PADI3: variants seen among roughly 807,000 people sequenced by gnomAD.
PADI3 encodes the protein peptidyl arginine deiminase 3.
In PADI3, 53 loss-of-function variants were observed where a neutral mutation model predicts 71.5. The ratio of observed to expected loss-of-function variants is 0.74; its 90% CI spans 0.59 to 0.93. The LOEUF (loss-of-function observed/expected upper bound fraction) is 0.93. Ranked by LOEUF, PADI3 falls within the 40% of genes least tolerant of loss-of-function variation. PADI3 has a pLI of 0.00. For synonymous variants in PADI3, 361 were observed against 347.5 expected, an observed-to-expected ratio of 1.04 and a Z score of -0.43; for missense variants, 821 against 868.0, an observed-to-expected ratio of 0.95 and a Z score of 0.68.
At chr1:17,271,242 G>GATAC in intron 9 of PADI3, 64 bp downstream of exon 9, 3 of 1,378,496 alleles carry the variant, frequency 2.2e-6, no homozygotes, top group Admixed American at 4.1e-5. Flanking sequence ...GCCTTCATTT[G>GATAC]GGGGCCACCG....
At chr1:17,277,279 C>T (rs148085870) in intron 13 of PADI3, among the ~76,000 whole-genome samples, 2,613 of 152,222 alleles carry the variant, frequency 0.017, 30 homozygotes, top group Non-Finnish European at 0.024. Context: ...ACCGCAACCT[C>T]CGCCTCCCAA....
intron 11 of PADI3, 80 bp downstream of exon 11, chr1:17,274,866 T>C: frequency 7.2e-7 from 1 of 1,392,218 alleles, no homozygotes; most frequent in South Asian, 1.3e-5. Flanking sequence ...GCAGGGGCCA[T>C]TGCACTCCTT....
At chr1:17,281,450 C>CTTTTT (rs71014927) in intron 15 of PADI3, among the ~76,000 whole-genome samples, 1 of 141,994 alleles carries the variant, frequency 7.0e-6, no homozygotes, top group African/African-American at 2.6e-5. Flanking sequence ...TTCTTTTTTT[C>CTTTTT]TTTTTTTTTT....
intron 9 of PADI3, 74 bp downstream of exon 9, chr1:17,271,252 G>A (rs528557680): frequency 1.2e-5 from 15 of 1,280,618 alleles, no homozygotes; most frequent in Middle Eastern, 2.7e-4. Flanking sequence ...GGGGGCCACC[G>A]AGAAACATCC....
At chr1:17,260,654 C>A (rs974176469) in intron 2 of PADI3, among the ~76,000 whole-genome samples, 3 of 152,210 alleles carry the variant, frequency 2.0e-5, no homozygotes, top group African/African-American at 7.2e-5. Context: ...CCATCACCCC[C>A]ACCTCTGTTC....
chr1:17,267,820 T>A lies in PADI3; in HGVS notation c.527-17T>A, dbSNP rs1376315136. Reference sequence around the variant, plus strand: ...CAGGACTCCCTTGAGTCACTACCACTCTGTCTGGCTTCACAGACCTGGAAG... The same window carrying A: ...CAGGACTCCCTTGAGTCACTACCACACTGTCTGGCTTCACAGACCTGGAAG... On this transcript the variant is annotated splice_polypyrimidine_tract_variant and intron_variant, in intron 5 of 15. Transcript: ENST00000375460. 6.2e-7 allele frequency: 1 copy of A among 1,612,576 alleles called. No individual in the cohort carries two copies. The highest frequency in any genetic ancestry group is 1.3e-5 in the African/African-American group (1 of 74,940).
chr1:17,262,654 G>A (rs527566365), intron 3 of PADI3, among the ~76,000 whole-genome samples: 1 of 152,244 alleles, frequency 6.6e-6, no homozygotes, highest in South Asian at 2.1e-4. Context: ...AGAGTCAAAT[G>A]GAAATGCTAG....
rs1251904178 is a variant in PADI3, at chr1:17,283,351, G to A, written c.*272G>A. ...CCTGTGATTCAACACAACCCATGGA[G>A]ATGTCCCCTTCTCACTCTGAAATCA... On this transcript the variant is annotated 3_prime_UTR_variant, in exon 16 of 16. Coordinates refer to ENST00000375460, the MANE Select transcript of PADI3 (RefSeq NM_016233.2). The A allele has an allele frequency of 2.4e-6, 1 of 421,960 alleles. No homozygotes were observed. The highest frequency in any genetic ancestry group is 4.0e-5 in the Admixed American group (1 of 25,068). 26.1% of individuals were successfully genotyped at this position (421,960 alleles called of 1,614,324 possible). A position where few individuals can be genotyped will look rare whatever the true frequency, so the allele number is the denominator to read the frequency against.
At chr1:17,252,692 C>T (rs2072981204) in intron 1 of PADI3, among the ~76,000 whole-genome samples, 1 of 152,198 alleles carries the variant, frequency 6.6e-6, no homozygotes, top group East Asian at 1.9e-4. Flanking sequence ...GTGAGAGCCA[C>T]CGTGTCTGGC....
intron 15 of PADI3, among the ~76,000 whole-genome samples, chr1:17,281,146 C>T (rs545280245): frequency 6.6e-6 from 1 of 152,362 alleles, no homozygotes; most frequent in South Asian, 2.1e-4. Context: ...GCTTGTGGCT[C>T]TTCATCCATC....
chr1:17,276,401 G>T lies in PADI3; in HGVS notation c.1308-118G>T. 3.5e-6 allele frequency: 3 copies of T among 861,956 alleles called. No individual in the cohort carries two copies. The South Asian group carries it at 4.4e-5, about 13-fold the overall frequency. 53.4% of individuals were successfully genotyped at this position (861,956 alleles called of 1,614,324 possible). A position where few individuals can be genotyped will look rare whatever the true frequency, so the allele number is the denominator to read the frequency against. On this transcript the variant is annotated intron_variant, in intron 11 of 15. Transcript: ENST00000375460. ...TTACTTTCCTGTTTATAAAAGTAAT[G>T]CATGTTTTTTTGTTTTTTAAAAATC...
At chr1:17,262,266 C>T in intron 3 of PADI3, 61 bp downstream of exon 3, 1 of 1,249,260 alleles carries the variant, frequency 8.0e-7, no homozygotes, top group Non-Finnish European at 1.1e-6. Flanking sequence ...TCAAGCAGTA[C>T]AAAAGAGTAT....
chr1:17,280,099 A>G (rs1056934489), intron 13 of PADI3, among the ~76,000 whole-genome samples: 2 of 152,154 alleles, frequency 1.3e-5, no homozygotes, highest in Non-Finnish European at 2.9e-5. Context: ...CTTCCAGTGA[A>G]CTCAAATAAA....
rs543135916 is a variant in PADI3, at chr1:17,267,176, ACAATATCATCACCC to A, written c.526+345_526+358del. Among the ~76,000 whole-genome samples the A allele has an allele frequency of 1.6e-4, 25 of 152,280 alleles. No individual in the cohort carries two copies. In the East Asian group the frequency reaches 4.6e-3, roughly 28 times the overall value. ...ATTCTCATTGAATCATCCAAGTGGGACAATATCATCACCCCAATTTAGAGATGAGGATGCTGAGA... is the reference window on the plus strand; with the variant it reads ...ATTCTCATTGAATCATCCAAGTGGGACAATTTAGAGATGAGGATGCTGAGA... On this transcript the variant is annotated intron_variant, in intron 5 of 15. Coordinates refer to ENST00000375460, the MANE Select transcript of PADI3 (RefSeq NM_016233.2).
intron 15 of PADI3, among the ~76,000 whole-genome samples, chr1:17,281,030 TC>T (rs1214294392): frequency 2.0e-5 from 3 of 152,116 alleles, no homozygotes; most frequent in African/African-American, 4.8e-5. Flanking sequence ...AGGGAAGGGG[TC>T]CACTTGACAT....
chr1:17,256,978 G>A (rs1320886788), intron 1 of PADI3, among the ~76,000 whole-genome samples: 1 of 134,368 alleles, frequency 7.4e-6, no homozygotes, highest in Admixed American at 8.6e-5. Flanking sequence ...GTTGCAGTGA[G>A]CCAAGATTGC....
At chr1:17,259,189 C>T (rs539640455) in intron 1 of PADI3, among the ~76,000 whole-genome samples, 1 of 152,234 alleles carries the variant, frequency 6.6e-6, no homozygotes, top group African/African-American at 2.4e-5. Context: ...CCTGCCTCAG[C>T]CTCCCCAGTA....
Position 17,273,403 on chromosome 1 carries a change from C to G in PADI3, c.1111C>G (p.Pro371Ala), listed in dbSNP as rs768910808. 6.2e-7 allele frequency: 1 copy of G among 1,613,614 alleles called. No homozygotes were observed. Among genetic ancestry groups the G allele is most frequent in the Non-Finnish European group, 8.5e-7 (1 of 1,179,794 alleles). ...HKTLPVVFDS[P>A]RNGELQDFPY... Reference sequence around the variant, plus strand: ...GACCCTCCCGGTGGTCTTTGACTCCCCAAGGAATGGGGAACTGCAGGATTT... The same window carrying G: ...GACCCTCCCGGTGGTCTTTGACTCCGCAAGGAATGGGGAACTGCAGGATTT... The change falls in exon 10 of 16, where the codon CCA becomes GCA. Residue 371 changes from proline (P) to alanine (A), a missense_variant. Transcript: ENST00000375460.
intron 3 of PADI3, among the ~76,000 whole-genome samples, chr1:17,263,689 A>G (rs1367506246): frequency 6.6e-6 from 1 of 152,248 alleles, no homozygotes; most frequent in Non-Finnish European, 1.5e-5. Context: ...GACAACAAGT[A>G]AAAAGTCAAA....
Sources: allele counts gnomAD v4.1 joint callset (sites outside exome capture counted in the v4.1 genomes callset), GRCh38; gene constraint gnomAD v4.1.1; transcripts MANE v1.5; gene names NCBI Gene and HGNC (gene_info 2026-07-23, HGNC 2026-07-21).